PTPN13: variants seen among roughly 807,000 people sequenced by gnomAD.
PTPN13 encodes the protein protein tyrosine phosphatase non-receptor type 13.
Under a neutral mutation model 284.0 loss-of-function variants are expected in PTPN13, and 191 were observed. That is an observed-to-expected ratio of 0.67 (90% CI 0.60 to 0.76). The LOEUF is 0.76. Among genes scored for constraint, PTPN13 ranks in the 30% least tolerant of loss-of-function variants. PTPN13 has a pLI of 0.00. For missense variants in PTPN13, 2,797 were observed against 2,939.9 expected (o/e 0.95, Z 1.12); for synonymous variants, 986 against 1,022.3 (o/e 0.96, Z 0.68).
intron 7 of PTPN13, among the ~76,000 whole-genome samples, chr4:86,706,144 C>G (rs368223236): frequency 1.3e-5 from 2 of 152,052 alleles, no homozygotes; most frequent in South Asian, 2.1e-4. Flanking sequence ...CCATTTAAAC[C>G]AAACATCTCA....
At chr4:86,673,395 C>T (rs1163843742) in intron 3 of PTPN13, among the ~76,000 whole-genome samples, 2 of 152,018 alleles carry the variant, frequency 1.3e-5, no homozygotes, top group Non-Finnish European at 2.9e-5. Context: ...GCATTCTACT[C>T]AGAGTAATTG....
At chr4:86,665,087 T>C (rs1726912363) in intron 2 of PTPN13, among the ~76,000 whole-genome samples, 1 of 152,200 alleles carries the variant, frequency 6.6e-6, no homozygotes, top group African/African-American at 2.4e-5. Flanking sequence ...GTTTCATTAG[T>C]GTTTTGTTGC....
intron 6 of PTPN13, among the ~76,000 whole-genome samples, chr4:86,698,712 C>T (rs1269425207): frequency 6.6e-6 from 1 of 151,996 alleles, no homozygotes; most frequent in Non-Finnish European, 1.5e-5. Flanking sequence ...ACCAAAATGT[C>T]CATCTGATTT....
intron 37 of PTPN13, among the ~76,000 whole-genome samples, chr4:86,782,471 G>A (rs550785429): frequency 6.6e-6 from 1 of 152,114 alleles, no homozygotes; most frequent in Non-Finnish European, 1.5e-5. Context: ...ACATCATTTA[G>A]CACACACTCA....
At chr4:86,636,375 A>T (rs1272578186) in intron 2 of PTPN13, among the ~76,000 whole-genome samples, 1 of 148,032 alleles carries the variant, frequency 6.8e-6, no homozygotes, top group African/African-American at 2.4e-5. Context: ...GAAGTTGCAC[A>T]TGAAGATGTT....
chr4:86,744,170 T>C (rs1453658041), intron 16 of PTPN13, among the ~76,000 whole-genome samples: 2 of 152,234 alleles, frequency 1.3e-5, no homozygotes, highest in African/African-American at 4.8e-5. Flanking sequence ...CCAGCAGTTA[T>C]GTTACCAGTA....
chr4:86,672,275 C>T (rs1271807324), intron 2 of PTPN13, 90 bp from the exon 3 acceptor site: 2 of 1,054,274 alleles, frequency 1.9e-6, no homozygotes, highest in African/African-American at 1.6e-5. Context: ...CTGCATTATC[C>T]ATTGAAGTGA....
intron 1 of PTPN13, among the ~76,000 whole-genome samples, chr4:86,600,546 T>A (rs574622324): frequency 1.3e-5 from 2 of 149,764 alleles, no homozygotes; most frequent in Non-Finnish European, 3.0e-5. Flanking sequence ...GTGTACGATA[T>A]CAGTTTCATG....
At chr4:86,752,863 C>T in intron 19 of PTPN13, 146 bp from the exon 20 acceptor site, 2 of 451,530 alleles carry the variant, frequency 4.4e-6, no homozygotes, top group Non-Finnish European at 7.9e-6. Context: ...GTGAAAATGC[C>T]CATTGGAGGA....
At chr4:86,715,430 A>T (rs1732910259) in intron 7 of PTPN13, among the ~76,000 whole-genome samples, 1 of 152,156 alleles carries the variant, frequency 6.6e-6, no homozygotes, top group East Asian at 1.9e-4. Flanking sequence ...AGACACTGCT[A>T]TAAATGTAGT....
Position 86,774,550 on chromosome 4 carries a change from A to C in PTPN13, c.5508+19A>C, listed in dbSNP as rs940759768. 1 of 1,576,322 alleles carries C rather than the reference A, an allele frequency of 6.3e-7. No homozygotes were observed. The highest frequency in any genetic ancestry group is 1.4e-5 in the African/African-American group (1 of 73,874). On this transcript the variant is annotated intron_variant, in intron 33 of 47. Transcript: ENST00000411767. ...CATAAAGGTGAGACATTTAAGAGGA[A>C]TGGATTATTTGTGTAAATGTAGACA... is the stretch of plus-strand genomic sequence containing the variant.
chr4:86,630,969 A>G (rs1405679573), intron 1 of PTPN13, among the ~76,000 whole-genome samples: 1 of 152,178 alleles, frequency 6.6e-6, no homozygotes, highest in Non-Finnish European at 1.5e-5. Context: ...TGTGTTAACC[A>G]AAAACATAAT....
intron 10 of PTPN13, among the ~76,000 whole-genome samples, chr4:86,727,499 T>C (rs1298767535): frequency 6.7e-6 from 1 of 149,516 alleles, no homozygotes; most frequent in Non-Finnish European, 1.5e-5. Context: ...GAGCCTGTTA[T>C]TGGTCTAATC....
chr4:86,763,498 G>T (rs952708403), intron 24 of PTPN13, among the ~76,000 whole-genome samples: 12 of 152,162 alleles, frequency 7.9e-5, no homozygotes, highest in Non-Finnish European at 1.5e-4. Flanking sequence ...ATTAATAAGA[G>T]AATTTTAATA....
In PTPN13 at chr4:86,701,741, G is replaced by T; in HGVS notation, c.1135G>T (p.Asp379Tyr). ...PTSSAISSAL[D>Y]RIRERQKKLQ... ...CTCCTCAGCAATATCAAGTGCTTTGGACCGAATCCGAGAGAGACAAAAGAA... is the reference window on the plus strand; with the variant it reads ...CTCCTCAGCAATATCAAGTGCTTTGTACCGAATCCGAGAGAGACAAAAGAA... Residue 379 changes from aspartate to tyrosine, a missense_variant, in exon 7 of 48, where the codon GAC becomes TAC. Coordinates refer to ENST00000411767, the MANE Select transcript of PTPN13 (RefSeq NM_080683.3). 1 of 1,613,886 alleles carries T rather than the reference G, an allele frequency of 6.2e-7. No homozygotes were observed. Among genetic ancestry groups the T allele is most frequent in the South Asian group, 1.1e-5 (1 of 91,042 alleles).
intron 27 of PTPN13, 115 bp from the exon 28 acceptor site, chr4:86,767,702 C>T: frequency 1.2e-6 from 1 of 825,126 alleles, no homozygotes; most frequent in South Asian, 3.7e-5. Context: ...TTTGGTGGAC[C>T]AAATTTGGTA....
intron 2 of PTPN13, among the ~76,000 whole-genome samples, chr4:86,639,208 AACACTTTTAC>A (rs1161544393): frequency 6.6e-6 from 1 of 151,568 alleles, no homozygotes; most frequent in African/African-American, 2.4e-5. Flanking sequence ...GAGAAACAGG[AACACTTTTAC>A]ACTGTTGGTG....
intron 17 of PTPN13, among the ~76,000 whole-genome samples, chr4:86,749,123 T>C (rs927388057): frequency 3.9e-5 from 6 of 152,328 alleles, no homozygotes; most frequent in African/African-American, 1.4e-4. Context: ...ATTAAAAACC[T>C]TTAATGTTTT....
chr4:86,600,429 C>A (rs1257205238), intron 1 of PTPN13, among the ~76,000 whole-genome samples: 4 of 117,384 alleles, frequency 3.4e-5, no homozygotes, highest in Non-Finnish European at 3.4e-5. Context: ...TTTTACATAA[C>A]CACTTTTTTT....
Sources: allele counts gnomAD v4.1 joint callset (sites outside exome capture counted in the v4.1 genomes callset), GRCh38; gene constraint gnomAD v4.1.1; transcripts MANE v1.5; gene names NCBI Gene and HGNC (gene_info 2026-07-23, HGNC 2026-07-21).